The following MAPK10 variants were observed in gnomAD, a reference collection of about 807,000 sequenced individuals.
MAPK10 encodes the protein JNK3 alpha protein kinase.
A neutral mutation model predicts 59.3 loss-of-function variants in MAPK10; 25 were observed. The observed-to-expected ratio is 0.42, with a 90% confidence interval of 0.31 to 0.59. The LOEUF (loss-of-function observed/expected upper bound fraction) is 0.59. MAPK10 is among the 20% of genes least tolerant of loss of function. MAPK10 has a pLI of 0.15. For missense variants in MAPK10, 351 were observed against 568.9 expected (o/e 0.62, Z 3.90); for synonymous variants, 190 against 200.5 (o/e 0.95, Z 0.44).
chr4:86,025,989 AT>A, intron 13 of MAPK10, among the ~76,000 whole-genome samples: 1 of 152,320 alleles, frequency 6.6e-6, no homozygotes, highest in East Asian at 1.9e-4. Context: ...TGGGCCTGAG[AT>A]TTTTTAATAA....
At chr4:86,142,225 A>G (rs556597732) in intron 4 of MAPK10, among the ~76,000 whole-genome samples, 53 of 152,282 alleles carry the variant, frequency 3.5e-4, no homozygotes, top group African/African-American at 1.2e-3. Flanking sequence ...TATTCAAACC[A>G]CAGCAAGTAC....
chr4:86,186,206 G>A (rs1386666184), intron 3 of MAPK10, among the ~76,000 whole-genome samples: 3 of 151,976 alleles, frequency 2.0e-5, no homozygotes, highest in Non-Finnish European at 4.4e-5. Context: ...TAAAGAAACT[G>A]AAGCACATAG....
chr4:86,161,339 C>T (rs1009669171), intron 3 of MAPK10, among the ~76,000 whole-genome samples: 4 of 152,024 alleles, frequency 2.6e-5, no homozygotes, highest in African/African-American at 9.7e-5. Context: ...AAGGAGACAA[C>T]AACAGGATTT....
intron 1 of MAPK10, among the ~76,000 whole-genome samples, chr4:86,579,952 T>C (rs1762152299): frequency 6.6e-6 from 1 of 152,044 alleles, no homozygotes; most frequent in African/African-American, 2.4e-5. Context: ...TAGTTGGGAC[T>C]ACAAATGCCT....
At chr4:86,507,161 AC>A (rs1428698386) in intron 1 of MAPK10, among the ~76,000 whole-genome samples, 2 of 152,086 alleles carry the variant, frequency 1.3e-5, no homozygotes, top group Non-Finnish European at 1.5e-5. Flanking sequence ...CATAAGAACA[AC>A]CCAATAAAAA....
At chr4:86,438,609 G>A (rs992584810) in intron 1 of MAPK10, among the ~76,000 whole-genome samples, 3 of 150,978 alleles carry the variant, frequency 2.0e-5, no homozygotes, top group African/African-American at 7.3e-5. Context: ...AGAATTGCTT[G>A]AACCCAGGAG....
At position 86,327,785 on chromosome 4, in the gene MAPK10, C is replaced by CAAAAAAAAAAAAAA. The variant is rs5860023; in HGVS notation, c.-7+26731_-7+26744dup. 4.9e-4 allele frequency: 34 copies of CAAAAAAAAAAAAAA among 68,852 alleles called. 1 individual carries two copies. The highest frequency in any genetic ancestry group is 1.0e-3 in the East Asian group (2 of 1,960). The allele number at this position is 68,852 out of a possible 1,614,324, so 4.3% of individuals were successfully genotyped here. ...CGAAACCCCATCTCTACTAAAAATA[C>CAAAAAAAAAAAAAA]AAAAAAAAAAAAAAAAAAGCTGGGC... On this transcript the variant is annotated intron_variant, in intron 2 of 13. Coordinates refer to ENST00000641462, the MANE Select transcript of MAPK10 (RefSeq NM_138982.4).
At chr4:86,564,024 G>GT (rs1223805982) in intron 1 of MAPK10, among the ~76,000 whole-genome samples, 1 of 152,036 alleles carries the variant, frequency 6.6e-6, no homozygotes, top group Non-Finnish European at 1.5e-5. Context: ...TAGAGACAGG[G>GT]TTTTACCATT....
intron 1 of MAPK10, among the ~76,000 whole-genome samples, chr4:86,571,113 C>G (rs952409340): frequency 6.6e-6 from 1 of 151,398 alleles, no homozygotes; most frequent in Non-Finnish European, 1.5e-5. Context: ...GTTCTATTAT[C>G]TCTGTGGGCC....
chr4:86,443,329 C>G (rs1749636780), intron 1 of MAPK10, among the ~76,000 whole-genome samples: 1 of 152,116 alleles, frequency 6.6e-6, no homozygotes, highest in Non-Finnish European at 1.5e-5. Flanking sequence ...CTTAACAAGG[C>G]CTGCCCTCAG....
At chr4:86,315,426 A>G (rs55681806) in intron 2 of MAPK10, among the ~76,000 whole-genome samples, 51,896 of 152,014 alleles carry the variant, frequency 0.34, 9,024 homozygotes, top group Non-Finnish European at 0.38. Context: ...TGTAACACAA[A>G]TAAATGCTTG....
Position 86,012,811 on chromosome 4 carries a change from G to C in MAPK10, c.*4417C>G, listed in dbSNP as rs1012819250. 6.6e-6 allele frequency: 1 copy of C among 152,156 alleles called. No homozygotes were observed. Among genetic ancestry groups the C allele is most frequent in the Non-Finnish European group, 1.5e-5 (1 of 68,036 alleles). 9.4% of individuals were successfully genotyped at this position (152,156 alleles called of 1,614,324 possible). ...GGACGTACATGGTTTTGCCTTCCAG[G>C]GTTGATCTAGAACTGTAAGGGTGCA... On this transcript the variant is annotated 3_prime_UTR_variant, in exon 14 of 14. Transcript: ENST00000641462.
intron 2 of MAPK10, among the ~76,000 whole-genome samples, chr4:86,304,387 CTTTTTTTTTTTTTT>C (rs1162506350): frequency 3.6e-5 from 4 of 112,562 alleles, no homozygotes; most frequent in Admixed American, 1.9e-4. Flanking sequence ...TGGAGTATTT[CTTTTTTTTTTTTTT>C]TTTTTTTTTG....
intron 4 of MAPK10, among the ~76,000 whole-genome samples, chr4:86,148,590 A>T (rs1177545491): frequency 6.6e-6 from 1 of 152,208 alleles, no homozygotes; most frequent in East Asian, 1.9e-4. Context: ...GAAGGAAGGG[A>T]TATTTCAGAA....
chr4:86,050,862 CT>C (rs1272380793), intron 11 of MAPK10, among the ~76,000 whole-genome samples: 55 of 152,204 alleles, frequency 3.6e-4, no homozygotes, highest in African/African-American at 1.3e-3. Flanking sequence ...ACCAAAAGTT[CT>C]TTACGCTAAC....
intron 1 of MAPK10, among the ~76,000 whole-genome samples, chr4:86,414,607 T>A (rs1745626082): frequency 1.3e-5 from 2 of 152,232 alleles, no homozygotes; most frequent in Admixed American, 1.3e-4. Flanking sequence ...ACATTGCTGC[T>A]GAACTTCTCA....
In MAPK10 at chr4:86,013,422, T is replaced by C. The variant is rs1333430599; in HGVS notation, c.*3806A>G. 1 of 152,196 alleles carries C rather than the reference T, an allele frequency of 6.6e-6. No homozygotes were observed. Among genetic ancestry groups the C allele is most frequent in the Non-Finnish European group, 1.5e-5 (1 of 68,022 alleles). 9.4% of individuals were successfully genotyped at this position (152,196 alleles called of 1,614,324 possible). A position where few individuals can be genotyped will look rare whatever the true frequency, so the allele number is the denominator to read the frequency against. ...AATTTCTAGAGCAATTTTACTCCTC[T>C]TTCTGAGCTGTAGAAGAATACATTT... On this transcript the variant is annotated 3_prime_UTR_variant, in exon 14 of 14. Transcript: ENST00000641462.
chr4:86,487,150 T>C (rs1209715800), intron 1 of MAPK10, among the ~76,000 whole-genome samples: 2 of 152,162 alleles, frequency 1.3e-5, no homozygotes, highest in Non-Finnish European at 2.9e-5. Flanking sequence ...GAAAATGCCA[T>C]AACAGACATG....
At chr4:86,122,146 G>C (rs528103447) in intron 4 of MAPK10, among the ~76,000 whole-genome samples, 5 of 152,114 alleles carry the variant, frequency 3.3e-5, no homozygotes, top group Admixed American at 6.6e-5. Flanking sequence ...AGCCAAGTGA[G>C]GACTGTAAGG....
Sources: gnomAD v4.1 joint callset for allele counts (sites outside exome capture counted in the v4.1 genomes callset) on GRCh38, gnomAD v4.1.1 for gene constraint, MANE v1.5 for transcripts, NCBI Gene and HGNC (gene_info 2026-07-23, HGNC 2026-07-21) for gene names.